AKAP13: variants seen among roughly 807,000 people sequenced by gnomAD.
AKAP13 encodes A-kinase anchoring protein 13, also known as A-kinase anchor protein 13.
In AKAP13, 80 loss-of-function variants were observed where a neutral mutation model predicts 264.5. That is an observed-to-expected ratio of 0.30 (90% CI 0.25 to 0.36). The LOEUF (loss-of-function observed/expected upper bound fraction) is 0.36, where lower values mean the gene tolerates loss of function less well. Ranked by LOEUF, AKAP13 falls within the 10% of genes least tolerant of loss-of-function variation. AKAP13 has a pLI of 1.00. For synonymous variants in AKAP13, 1,380 were observed against 1,250.2 expected, an observed-to-expected ratio of 1.10 and a Z score of -2.19; for missense variants, 3,712 against 3,435.2, an observed-to-expected ratio of 1.08 and a Z score of -2.01.
rs1241919854 is a variant in AKAP13, at chr15:85,682,270, C to G, written c.5156+58C>G. Reference sequence around the variant, plus strand: ...ATAAAATGAAGAAAATTTAAAATCTCTTAGGCCATTTAATTACGTAAACTA... The same window carrying G: ...ATAAAATGAAGAAAATTTAAAATCTGTTAGGCCATTTAATTACGTAAACTA... On this transcript the variant is annotated intron_variant, in intron 15 of 36. Transcript: ENST00000394518. 9 of 1,542,542 alleles carry G rather than the reference C, an allele frequency of 5.8e-6. No homozygotes were observed. In the East Asian group the frequency reaches 2.0e-4, roughly 35 times the overall value.
At chr15:85,601,854 CATT>C (rs5814209) in intron 8 of AKAP13, among the ~76,000 whole-genome samples, 30,662 of 151,426 alleles carry the variant, frequency 0.2, 4,092 homozygotes, top group Middle Eastern at 0.41. Context: ...ATAAACTAAT[CATT>C]ATTAAAATTA....
chr15:85,618,889 A>G (rs771939419), intron 8 of AKAP13, among the ~76,000 whole-genome samples: 1 of 152,150 alleles, frequency 6.6e-6, no homozygotes, highest in African/African-American at 2.4e-5. Context: ...TATCAGACAC[A>G]TTTATAGCCA....
chr15:85,458,790 T>C (rs1408510073), intron 1 of AKAP13, among the ~76,000 whole-genome samples: 1 of 152,222 alleles, frequency 6.6e-6, no homozygotes, highest in Non-Finnish European at 1.5e-5. Context: ...ACAGCTTAAG[T>C]TTTCCGTGAC....
intron 11 of AKAP13, among the ~76,000 whole-genome samples, chr15:85,658,116 G>T (rs1489745149): frequency 2.0e-5 from 3 of 152,068 alleles, no homozygotes; most frequent in Non-Finnish European, 4.4e-5. Context: ...GGCTTACCTA[G>T]GACCACTGTC....
At chr15:85,617,907 T>G (rs1391506801) in intron 8 of AKAP13, among the ~76,000 whole-genome samples, 1 of 152,230 alleles carries the variant, frequency 6.6e-6, no homozygotes, top group Non-Finnish European at 1.5e-5. Context: ...TTACAACTTT[T>G]AAATCTCTGT....
At chr15:85,606,159 T>C (rs1239209837) in intron 8 of AKAP13, among the ~76,000 whole-genome samples, 1 of 140,874 alleles carries the variant, frequency 7.1e-6, no homozygotes, top group Non-Finnish European at 1.5e-5. Flanking sequence ...TGGAGTGCAG[T>C]GGCATGATCT....
At chr15:85,710,976 A>G (rs1205459042) in intron 19 of AKAP13, among the ~76,000 whole-genome samples, 1 of 151,992 alleles carries the variant, frequency 6.6e-6, no homozygotes, top group Non-Finnish European at 1.5e-5. Flanking sequence ...GTGCCTTACA[A>G]TCATACAAAT....
At chr15:85,688,031 TAAAAAAA>T (rs60030351) in intron 16 of AKAP13, among the ~76,000 whole-genome samples, 1 of 138,332 alleles carries the variant, frequency 7.2e-6, no homozygotes, top group African/African-American at 2.7e-5. Context: ...CCCTGTCTCT[TAAAAAAA>T]AAAAAAAAAA....
intron 1 of AKAP13, among the ~76,000 whole-genome samples, chr15:85,427,885 C>T (rs1333225261): frequency 6.6e-6 from 1 of 152,086 alleles, no homozygotes; most frequent in Admixed American, 6.6e-5. Flanking sequence ...AAAGGGGTAG[C>T]CTGTTAGAGA....
In AKAP13 at chr15:85,655,630, C is replaced by G; in HGVS notation, c.4588C>G (p.Pro1530Ala). 6.2e-7 allele frequency: 1 copy of G among 1,614,156 alleles called. No homozygotes were observed. The highest frequency in any genetic ancestry group is 8.5e-7 in the Non-Finnish European group (1 of 1,180,022). The change falls in exon 11 of 37, where the codon CCA becomes GCA. Residue 1530 changes from proline to alanine, a missense_variant. Pro to Ala is a conservative substitution (Grantham distance 27). This residue lies in a region of AKAP13 where 2,759 missense variants were observed against 2,411.7 expected (regional missense o/e 1.14). Transcript: ENST00000394518. ...AGAAAGTGAGAGTGAGCCTGCTGAC[C>G]CAGGCGACGTGGAGGAGGAGGAGAT... ...GRESESEPAD[P>A]GDVEEEEMDS...
chr15:85,423,530 C>G (rs2072626625), intron 1 of AKAP13, among the ~76,000 whole-genome samples: 1 of 152,218 alleles, frequency 6.6e-6, no homozygotes, highest in South Asian at 2.1e-4. Context: ...CTTCAGGCTC[C>G]ACTTCCAATT....
chr15:85,715,918 T>C lies in AKAP13; in HGVS notation c.5730T>C (p.Ile1910=), dbSNP rs2086905715. Residue 1910 remains isoleucine (I), a synonymous_variant, in exon 20 of 37, where the codon ATT becomes ATC. Transcript: ENST00000394518. ...SLSKSVSIQN[I]TGVGNDENMS... ...CCAAAAGTGTCTCCATACAGAACATTACTGGGTAAGTGGAGATATTTAAAG... is the reference window on the plus strand; with the variant it reads ...CCAAAAGTGTCTCCATACAGAACATCACTGGGTAAGTGGAGATATTTAAAG... The C allele has an allele frequency of 1.2e-6, 2 of 1,611,760 alleles. No homozygotes were observed. Among genetic ancestry groups the C allele is most frequent in the South Asian group, 1.1e-5 (1 of 90,792 alleles).
intron 5 of AKAP13, among the ~76,000 whole-genome samples, chr15:85,573,810 T>C (rs926259018): frequency 2.4e-4 from 36 of 152,294 alleles, no homozygotes; most frequent in Admixed American, 1.8e-3. Flanking sequence ...AGATATGTTT[T>C]TCTACTTTTA....
intron 12 of AKAP13, among the ~76,000 whole-genome samples, chr15:85,663,975 G>C (rs190381538): frequency 6.6e-6 from 1 of 152,182 alleles, no homozygotes; most frequent in African/African-American, 2.4e-5. Context: ...AACAATTCTC[G>C]AGAAGTCTGT....
intron 5 of AKAP13, among the ~76,000 whole-genome samples, chr15:85,569,804 G>T (rs577106339): frequency 4.6e-5 from 7 of 152,266 alleles, no homozygotes; most frequent in Non-Finnish European, 1.0e-4. Flanking sequence ...TGGGCCGGGT[G>T]TGGTGGCTCA....
At position 85,483,944 on chromosome 15, in the gene AKAP13, G is replaced by T. The variant is rs191038925; in HGVS notation, c.-11-1766G>T. Reference sequence around the variant, plus strand: ...TCTTCTTCTTCCAGCGTGGCCCAGGGAAGCTACAAGATTGGACGACACTCT... The same window carrying T: ...TCTTCTTCTTCCAGCGTGGCCCAGGTAAGCTACAAGATTGGACGACACTCT... On this transcript the variant is annotated intron_variant, in intron 1 of 36. Coordinates refer to ENST00000394518, the MANE Select transcript of AKAP13 (RefSeq NM_007200.5). Among the ~76,000 whole-genome samples, 3 of 152,252 alleles carry T rather than the reference G, an allele frequency of 2.0e-5. No homozygotes were observed. The East Asian group carries it at 5.8e-4, about 29-fold the overall frequency.
chr15:85,694,381 G>A (rs563987519), intron 17 of AKAP13, among the ~76,000 whole-genome samples: 1 of 152,336 alleles, frequency 6.6e-6, no homozygotes, highest in Non-Finnish European at 1.5e-5. Context: ...CATGGTCTCT[G>A]TCACAATTCT....
intron 5 of AKAP13, among the ~76,000 whole-genome samples, chr15:85,570,041 C>T (rs1011452784): frequency 1.4e-4 from 20 of 141,442 alleles, no homozygotes; most frequent in Non-Finnish European, 2.9e-4. Context: ...TGTGCCACTG[C>T]ACTCCAGCTG....
chr15:85,412,447 C>T (rs181494206), intron 1 of AKAP13, among the ~76,000 whole-genome samples: 1 of 152,050 alleles, frequency 6.6e-6, no homozygotes, highest in Non-Finnish European at 1.5e-5. Flanking sequence ...AGAGATTTGC[C>T]AAAATGTAAA....
Sources: allele counts gnomAD v4.1 joint callset (sites outside exome capture counted in the v4.1 genomes callset), GRCh38; gene constraint gnomAD v4.1.1; regional missense constraint gnomAD v4.1.1; transcripts MANE v1.5; gene names NCBI Gene and HGNC (gene_info 2026-07-23, HGNC 2026-07-21).